Variants in GNPTG observed in about 807,000 individuals in gnomAD.
GNPTG encodes the protein N-acetylglucosamine-1-phosphotransferase subunit gamma.
GNPTG carries 46 observed loss-of-function variants against 43.8 expected under a neutral mutation model. The observed-to-expected ratio is 1.05, with a 90% CI of 0.83 to 1.34. The LOEUF (loss-of-function observed/expected upper bound fraction) is 1.34. Ranked by LOEUF, GNPTG falls within the 40% of genes most tolerant of loss-of-function variation. The pLI is 0.00. For synonymous variants in GNPTG, 250 were observed against 172.8 expected (o/e 1.45, Z -3.50); for missense variants, 549 against 411.3 (o/e 1.33, Z -2.90).
Position 1,362,962 on chromosome 16 carries a change from T to C in GNPTG, c.824-35T>C, listed in dbSNP as rs770134155. 13 of 1,611,832 alleles carry C rather than the reference T, an allele frequency of 8.1e-6. No individual in the cohort carries two copies. In the South Asian group the frequency reaches 8.8e-5, roughly 11 times the overall value. ...CACCATCACACTCGCCACCTGTGGG[T>C]CCAGGTGAGGACTGGCCACCTGGTG... On this transcript the variant is annotated intron_variant, in intron 10 of 10. Coordinates refer to ENST00000204679, the MANE Select transcript of GNPTG (RefSeq NM_032520.5).
intron 3 of GNPTG, among the ~76,000 whole-genome samples, chr16:1,356,293 C>T (rs562739238): frequency 1.3e-4 from 20 of 152,206 alleles, no homozygotes; most frequent in African/African-American, 3.6e-4. Context: ...CCATGCAGGC[C>T]GTGAACACGG....
rs2034694395 is a variant in GNPTG at position 1,352,084 on chromosome 16, C to T, written c.53-18C>T. On this transcript the variant is annotated intron_variant, in intron 1 of 10. Coordinates refer to ENST00000204679, the MANE Select transcript of GNPTG (RefSeq NM_032520.5). The stretch of plus-strand genomic sequence containing the variant: ...CTCTGCACCCCGGCCTCCCCGCTCA[C>T]GGTCTCGCTCCCCGTAGGGCCCGCG... 5 of 1,553,756 alleles carry T rather than the reference C, an allele frequency of 3.2e-6. No individual in the cohort carries two copies. The highest frequency in any genetic ancestry group is 1.4e-5 in the African/African-American group (1 of 73,028).
At chr16:1,354,609 A>AAC (rs2034742092) in intron 3 of GNPTG, among the ~76,000 whole-genome samples, 1 of 145,040 alleles carries the variant, frequency 6.9e-6, no homozygotes, top group Admixed American at 6.9e-5. Context: ...AAAAAAAAAA[A>AAC]CCCATAAAAA....
intron 3 of GNPTG, among the ~76,000 whole-genome samples, chr16:1,353,914 G>A (rs1218909876): frequency 6.6e-6 from 1 of 152,252 alleles, no homozygotes; most frequent in Non-Finnish European, 1.5e-5. Flanking sequence ...CAAAGGCCTT[G>A]AGCAGGACAG....
rs751590086 is a variant in GNPTG at position 1,362,335 on chromosome 16, C to T, written c.526+15C>T. Reference sequence around the variant, plus strand: ...CGCCTTGCTAGGTAGGGGTGCGGGACGCAGTTGAGCCCAGTGGGGTCAGCC... The same window carrying T: ...CGCCTTGCTAGGTAGGGGTGCGGGATGCAGTTGAGCCCAGTGGGGTCAGCC... On this transcript the variant is annotated intron_variant, in intron 7 of 10. Coordinates refer to ENST00000204679, the MANE Select transcript of GNPTG (RefSeq NM_032520.5). 58 of 1,611,714 alleles carry T rather than the reference C, an allele frequency of 3.6e-5. No homozygotes were observed. The highest frequency in any genetic ancestry group is 1.5e-4 in the Admixed American group (9 of 59,948).
chr16:1,359,512 T>C (rs1192953254), intron 3 of GNPTG, among the ~76,000 whole-genome samples: 8 of 150,726 alleles, frequency 5.3e-5, no homozygotes, highest in East Asian at 4.1e-4. Context: ...TCGTGATCCG[T>C]CTGCCTCGGC....
rs755727002 is a variant in GNPTG, at chr16:1,362,340, T to C, written c.526+20T>C. ...TGCTAGGTAGGGGTGCGGGACGCAGTTGAGCCCAGTGGGGTCAGCCGCGCA... is the reference window on the plus strand; with the variant it reads ...TGCTAGGTAGGGGTGCGGGACGCAGCTGAGCCCAGTGGGGTCAGCCGCGCA... On this transcript the variant is annotated intron_variant, in intron 7 of 10. Transcript: ENST00000204679. 6.2e-7 allele frequency: 1 copy of C among 1,611,606 alleles called. No individual in the cohort carries two copies. Among genetic ancestry groups the C allele is most frequent in the South Asian group, 1.1e-5 (1 of 91,000 alleles).
rs201566045 is a variant in GNPTG, at chr16:1,361,800, G to A, written c.233+3G>A. ...TGCTTCAGCCTGGTGGAGTCCACGT[G>A]AGTGCAGGGTGGGTGCGAGGGTGGG... On this transcript the variant is annotated splice_donor_region_variant and intron_variant, in intron 4 of 10. Transcript: ENST00000204679. The A allele has an allele frequency of 6.2e-6, 10 of 1,613,942 alleles. No individual in the cohort carries two copies. The highest frequency in any genetic ancestry group is 1.1e-5 in the South Asian group (1 of 91,080).
In GNPTG at chr16:1,363,774, G is replaced by T. The variant is rs2035022883; in HGVS notation, c.*683G>T. On this transcript the variant is annotated 3_prime_UTR_variant, in exon 11 of 11. Transcript: ENST00000204679. ...CTTGCCCCCATTTCCAACCCTGGCA[G>T]CGCTGCCAGCCATTCTTTGGTCTTC... 6.3e-6 allele frequency: 1 copy of T among 158,962 alleles called. No homozygotes were observed. The highest frequency in any genetic ancestry group is 1.4e-5 in the Non-Finnish European group (1 of 72,194). The allele number at this position is 158,962 out of a possible 1,614,324, so 9.8% of individuals were successfully genotyped here.
Position 1,352,020 on chromosome 16 carries a change from G to T in GNPTG, c.52+3G>T, listed in dbSNP as rs575933499. The T allele has an allele frequency of 2.0e-6, 3 of 1,476,606 alleles. No homozygotes were observed. The East Asian group carries it at 8.6e-5, about 43-fold the overall frequency. The allele number at this position is 1,476,606 out of a possible 1,614,324, so 91.5% of individuals were successfully genotyped here. On this transcript the variant is annotated splice_donor_region_variant and intron_variant, in intron 1 of 10. Coordinates refer to ENST00000204679, the MANE Select transcript of GNPTG (RefSeq NM_032520.5). ...GCTCCTCGGGCTCTCGGCCGGCGGT[G>T]AGTGGCCCGGCCGTCCGCGTCCCCA...
At chr16:1,357,479 C>T (rs1040253177) in intron 3 of GNPTG, among the ~76,000 whole-genome samples, 85 of 145,472 alleles carry the variant, frequency 5.8e-4, no homozygotes, top group African/African-American at 2.0e-3. Context: ...GTGTGTATTT[C>T]GACTTTATTA....
chr16:1,354,836 C>A (rs946666472), intron 3 of GNPTG, among the ~76,000 whole-genome samples: 2 of 152,106 alleles, frequency 1.3e-5, no homozygotes, highest in African/African-American at 4.8e-5. Context: ...TTTCCTGCGC[C>A]TGTGGGGTCA....
intron 3 of GNPTG, among the ~76,000 whole-genome samples, chr16:1,354,634 C>G (rs181183718): frequency 2.6e-4 from 35 of 135,410 alleles, no homozygotes; most frequent in African/African-American, 8.4e-4. Context: ...GAAAAGAATA[C>G]CTCTTCTAGT....
Position 1,361,760 on chromosome 16 carries a change from C to A in GNPTG, c.196C>A (p.Arg66=). 6.2e-7 allele frequency: 1 copy of A among 1,614,100 alleles called. No individual in the cohort carries two copies. The highest frequency in any genetic ancestry group is 8.5e-7 in the Non-Finnish European group (1 of 1,180,032). The stretch of plus-strand genomic sequence containing the variant: ...TCTTCCAGGACCCGTGCATCTCTTC[C>A]GACTCTCGGGCAAGTGCTTCAGCCT... ...SPVSGPVHLF[R]LSGKCFSLVE... The change falls in exon 4 of 11, where the codon CGA becomes AGA. Residue 66 remains arginine (R), a synonymous_variant. Coordinates refer to ENST00000204679, the MANE Select transcript of GNPTG (RefSeq NM_032520.5).
At chr16:1,361,593 A>C in intron 3 of GNPTG, 150 bp from the exon 4 acceptor site, 1 of 780,460 alleles carries the variant, frequency 1.3e-6, no homozygotes, top group East Asian at 2.7e-5. Flanking sequence ...GAAGTGAGCC[A>C]AGATCATGCC....
Position 1,361,952 on chromosome 16 carries a change from T to A in GNPTG, c.314T>A (p.Leu105His), listed in dbSNP as rs1162134894. ...CGCTGGAACGCCTACAGTGGGATCC[T>A]CGGGTGAGTGGGGCCGGGGCAGGGA... The part of the protein sequence containing the change: ...TFRWNAYSGI[L>H]GIWHEWEIAN... Residue 105 changes from leucine (L) to histidine (H), a missense_variant, in exon 5 of 11, where the codon CTC becomes CAC. Physicochemically the swap from Leu to His is moderately conservative, Grantham distance 99 (BLOSUM62 -3). Coordinates refer to ENST00000204679, the MANE Select transcript of GNPTG (RefSeq NM_032520.5). 2 of 1,613,384 alleles carry A rather than the reference T, an allele frequency of 1.2e-6. No homozygotes were observed. The highest frequency in any genetic ancestry group is 1.7e-6 in the Non-Finnish European group (2 of 1,180,038).
intron 3 of GNPTG, among the ~76,000 whole-genome samples, chr16:1,354,101 C>A (rs1319393584): frequency 6.6e-6 from 1 of 152,120 alleles, no homozygotes; most frequent in Non-Finnish European, 1.5e-5. Flanking sequence ...TTCCCTGCGG[C>A]TCAGAAGCCA....
At chr16:1,359,888 T>C (rs1334299972) in intron 3 of GNPTG, among the ~76,000 whole-genome samples, 1 of 151,828 alleles carries the variant, frequency 6.6e-6, no homozygotes, top group Admixed American at 6.6e-5. Flanking sequence ...GGCAGGTGGA[T>C]CACCTGAGGT....
intron 3 of GNPTG, among the ~76,000 whole-genome samples, chr16:1,354,631 A>G (rs2034743028): frequency 2.0e-5 from 3 of 151,288 alleles, no homozygotes; most frequent in African/African-American, 7.3e-5. Flanking sequence ...TTAGAAAAGA[A>G]TACCTCTTCT....
Sources: gnomAD v4.1 joint callset for allele counts (sites outside exome capture counted in the v4.1 genomes callset) on GRCh38, gnomAD v4.1.1 for gene constraint, MANE v1.5 for transcripts, NCBI Gene and HGNC (gene_info 2026-07-23, HGNC 2026-07-21) for gene names.